The following CYTH1 variants were observed in gnomAD, a reference collection of about 807,000 sequenced individuals.
CYTH1 encodes the protein cytohesin 1, also known as cytohesin-1.
In CYTH1, 18 loss-of-function variants were observed where a neutral mutation model predicts 61.8. The ratio of observed to expected loss-of-function variants is 0.29; its 90% CI spans 0.20 to 0.43. The LOEUF is 0.43. CYTH1 is among the 20% of genes least tolerant of loss of function. The pLI is 1.00. For missense variants in CYTH1, 336 were observed against 510.5 expected (o/e 0.66, Z 3.29); for synonymous variants, 174 against 184.3 (o/e 0.94, Z 0.45).
chr17:78,782,019 C>T (rs1269256130), intron 1 of CYTH1, among the ~76,000 whole-genome samples, 183 bp downstream of exon 1: 2 of 151,124 alleles, frequency 1.3e-5, no homozygotes, highest in Non-Finnish European at 3.0e-5. Flanking sequence ...TCCCTCAAAA[C>T]CCCCTGCGAC....
intron 9 of CYTH1, among the ~76,000 whole-genome samples, chr17:78,697,615 A>G (rs59428334): frequency 0.42 from 60,315 of 144,658 alleles, 14,480 homozygotes; most frequent in Non-Finnish European, 0.54. Flanking sequence ...AAAAAAAAAG[A>G]AAAAAAAAAA....
intron 11 of CYTH1, among the ~76,000 whole-genome samples, chr17:78,687,096 G>A (rs2092824564): frequency 6.6e-6 from 1 of 151,976 alleles, no homozygotes; most frequent in African/African-American, 2.4e-5. Context: ...TACATTTATT[G>A]TACACTTTAT....
intron 1 of CYTH1, among the ~76,000 whole-genome samples, chr17:78,715,152 C>A (rs553548203): frequency 6.6e-6 from 1 of 152,088 alleles, no homozygotes; most frequent in Admixed American, 6.5e-5. Context: ...GGAATAAAGA[C>A]GATCCTAAAA....
intron 11 of CYTH1, among the ~76,000 whole-genome samples, chr17:78,689,328 A>G (rs2092851386): frequency 6.6e-6 from 1 of 152,174 alleles, no homozygotes; most frequent in Non-Finnish European, 1.5e-5. Flanking sequence ...GCTAACATTC[A>G]TCTGTACTTG....
At chr17:78,696,720 G>A (rs1230735083) in intron 9 of CYTH1, 2 of 152,258 alleles carry the variant, frequency 1.3e-5, no homozygotes, top group Non-Finnish European at 2.9e-5. Context: ...TCATGAATTT[G>A]CATGTCATCC....
intron 11 of CYTH1, among the ~76,000 whole-genome samples, chr17:78,690,444 C>T (rs1017991639): frequency 4.3e-5 from 5 of 116,914 alleles, no homozygotes; most frequent in African/African-American, 1.6e-4. Context: ...AATGTATTTA[C>T]TGCTGGGTGC....
chr17:78,782,092 C>A, intron 1 of CYTH1, 110 bp downstream of exon 1: 1 of 997,580 alleles, frequency 1.0e-6, no homozygotes, highest in Non-Finnish European at 1.3e-6. Flanking sequence ...CCGCGTCCCG[C>A]ACCAGTGTCC....
intron 1 of CYTH1, among the ~76,000 whole-genome samples, chr17:78,769,118 C>T (rs911487750): frequency 6.6e-6 from 1 of 151,648 alleles, no homozygotes; most frequent in African/African-American, 2.4e-5. Flanking sequence ...TGCACTCCAG[C>T]CTAGGCAACA....
chr17:78,761,837 A>G (rs931586169), intron 1 of CYTH1, among the ~76,000 whole-genome samples: 3 of 152,260 alleles, frequency 2.0e-5, no homozygotes, highest in African/African-American at 7.2e-5. Flanking sequence ...TTGAGAAAAC[A>G]GTAGTCCAAA....
chr17:78,701,597 C>A, intron 6 of CYTH1, 74 bp downstream of exon 6: 2 of 1,294,886 alleles, frequency 1.5e-6, no homozygotes, highest in Non-Finnish European at 2.2e-6. Flanking sequence ...CAATAAAATG[C>A]CCCCCAGGAC....
intron 3 of CYTH1, among the ~76,000 whole-genome samples, chr17:78,703,513 T>C (rs1482290251): frequency 6.6e-6 from 1 of 152,120 alleles, no homozygotes; most frequent in African/African-American, 2.4e-5. Context: ...TACTAAGTTG[T>C]GCAACATCAC....
Position 78,698,171 on chromosome 17 carries a change from ACGCACACG to A in CYTH1, c.811+90_811+97del, listed in dbSNP as rs1260989339. 51 of 998,746 alleles carry A rather than the reference ACGCACACG, an allele frequency of 5.1e-5. No individual in the cohort carries two copies. In the South Asian group the frequency reaches 5.5e-4, roughly 11 times the overall value. The allele number at this position is 998,746 out of a possible 1,614,324, so 61.9% of individuals were successfully genotyped here. On this transcript the variant is annotated intron_variant, in intron 9 of 13. Coordinates refer to ENST00000446868, the MANE Select transcript of CYTH1 (RefSeq NM_004762.6). ...CGCGCACACATGCACACGCACAAAC[ACGCACACG>A]CGCACACACGCACGCACGCACACAC...
At chr17:78,775,027 A>C (rs1178595148) in intron 1 of CYTH1, among the ~76,000 whole-genome samples, 1 of 152,248 alleles carries the variant, frequency 6.6e-6, no homozygotes, top group Non-Finnish European at 1.5e-5. Context: ...TGTGGCTGGC[A>C]TAACGGCCCT....
intron 1 of CYTH1, among the ~76,000 whole-genome samples, chr17:78,771,936 C>T (rs1355159732): frequency 6.6e-6 from 1 of 152,118 alleles, no homozygotes; most frequent in African/African-American, 2.4e-5. Context: ...CCCTTCACTG[C>T]TTTTGTGTTT....
In CYTH1 at chr17:78,709,731, A is replaced by G. The variant is rs916858703; in HGVS notation, c.24T>C (p.Val8=). MEEDDSY[V]PSDLTAEERQ... ...GCTCCTCTGCTGTCAGGTCACTGGGAACTACAAAAATGGAGGGCAATGTTA... is the reference window on the plus strand; with the variant it reads ...GCTCCTCTGCTGTCAGGTCACTGGGGACTACAAAAATGGAGGGCAATGTTA... Residue 8 remains valine (V), a splice_region_variant and synonymous_variant, in exon 2 of 14, where the codon GTT becomes GTC. Coordinates refer to ENST00000446868, the MANE Select transcript of CYTH1 (RefSeq NM_004762.6). The G allele has an allele frequency of 3.1e-6, 5 of 1,613,898 alleles. No homozygotes were observed. In the African/African-American group the frequency reaches 6.7e-5, roughly 22 times the overall value.
chr17:78,674,906 CGA>C lies in CYTH1; in HGVS notation c.*1183_*1184del, dbSNP rs1290215305. ...GCGCCTGCAGGGGAAGACAGAGATGCGAGAGGCAGCCCGGCCACCCCCCTCAC... is the reference window on the plus strand; with the variant it reads ...GCGCCTGCAGGGGAAGACAGAGATGCGAGGCAGCCCGGCCACCCCCCTCAC... On this transcript the variant is annotated 3_prime_UTR_variant, in exon 14 of 14. Coordinates refer to ENST00000446868, the MANE Select transcript of CYTH1 (RefSeq NM_004762.6). 6.5e-6 allele frequency: 1 copy of C among 153,228 alleles called. No homozygotes were observed. Among genetic ancestry groups the C allele is most frequent in the African/African-American group, 2.4e-5 (1 of 41,474 alleles). 9.5% of individuals were successfully genotyped at this position (153,228 alleles called of 1,614,324 possible).
intron 1 of CYTH1, among the ~76,000 whole-genome samples, chr17:78,713,595 T>C (rs2093155817): frequency 6.6e-6 from 1 of 151,456 alleles, no homozygotes; most frequent in Non-Finnish European, 1.5e-5. Context: ...TGTATCATTC[T>C]AAACTGGAAA....
chr17:78,782,069 G>T, intron 1 of CYTH1, 133 bp downstream of exon 1: 1 of 763,558 alleles, frequency 1.3e-6, no homozygotes, highest in Non-Finnish European at 1.7e-6. Context: ...TCGCCCGCCG[G>T]TCGCCCCGGG....
chr17:78,768,681 T>C (rs2093458561), intron 1 of CYTH1, among the ~76,000 whole-genome samples: 1 of 152,002 alleles, frequency 6.6e-6, no homozygotes, highest in Non-Finnish European at 1.5e-5. Flanking sequence ...ATTCAAGCCC[T>C]CATCACCTAG....
Sources: gnomAD v4.1 joint callset for allele counts (sites outside exome capture counted in the v4.1 genomes callset) on GRCh38, gnomAD v4.1.1 for gene constraint, MANE v1.5 for transcripts, NCBI Gene and HGNC (gene_info 2026-07-23, HGNC 2026-07-21) for gene names.